Variants in PPFIA1 observed in about 807,000 individuals in gnomAD.
PPFIA1 encodes the protein liprin-alpha-1.
Under a neutral mutation model 149.9 loss-of-function variants are expected in PPFIA1, and 25 were observed. The observed-to-expected ratio is 0.17, with a 90% confidence interval of 0.12 to 0.23. The LOEUF is 0.23. PPFIA1 is among the 10% of genes least tolerant of loss of function. PPFIA1 has a pLI of 1.00. For synonymous variants in PPFIA1, 549 were observed against 552.8 expected (o/e 0.99, Z 0.10); for missense variants, 1,362 against 1,506.5 (o/e 0.90, Z 1.59).
At chr11:70,288,606 C>A (rs985911587) in intron 2 of PPFIA1, among the ~76,000 whole-genome samples, 2 of 152,090 alleles carry the variant, frequency 1.3e-5, no homozygotes, top group African/African-American at 4.8e-5. Context: ...GCTGTCCGTC[C>A]GTGTACAGTG....
intron 2 of PPFIA1, among the ~76,000 whole-genome samples, chr11:70,307,615 A>G (rs1347239375): frequency 6.6e-6 from 1 of 151,296 alleles, no homozygotes; most frequent in Non-Finnish European, 1.5e-5. Context: ...AGGTGTGTGT[A>G]AAAAAAAAGA....
chr11:70,275,771 G>A (rs950714589), intron 2 of PPFIA1, among the ~76,000 whole-genome samples: 1 of 152,034 alleles, frequency 6.6e-6, no homozygotes, highest in African/African-American at 2.4e-5. Flanking sequence ...TGTCATCTTT[G>A]CACAAATAGC....
Position 70,339,261 on chromosome 11 carries a change from C to G in PPFIA1, c.1662C>G (p.Arg554=). 6.2e-7 allele frequency: 1 copy of G among 1,614,130 alleles called. No individual in the cohort carries two copies. The highest frequency in any genetic ancestry group is 8.5e-7 in the Non-Finnish European group (1 of 1,179,968). ...DSYSTSAVLR[R]PQKGRLAALR... is the part of the protein sequence containing the mutation. ...ACAGCACCAGTGCAGTGCTGCGGCG[C>G]CCACAGAAAGGCCGGCTGGCAGCCC... is the stretch of plus-strand genomic sequence containing the variant. The change falls in exon 14 of 28, where the codon CGC becomes CGG. Residue 554 remains arginine (R), a synonymous_variant. Coordinates refer to ENST00000253925, the MANE Select transcript of PPFIA1 (RefSeq NM_003626.5).
intron 2 of PPFIA1, among the ~76,000 whole-genome samples, chr11:70,300,574 G>A (rs953494071): frequency 3.4e-5 from 5 of 145,248 alleles, no homozygotes; most frequent in South Asian, 2.2e-4. Context: ...TCGCTCTGTC[G>A]CCCAGGCTGG....
chr11:70,344,915 C>T (rs1401053074), intron 15 of PPFIA1, among the ~76,000 whole-genome samples: 3 of 152,248 alleles, frequency 2.0e-5, no homozygotes, highest in Non-Finnish European at 2.9e-5. Flanking sequence ...ACAGGAGCAG[C>T]AGAGCAGGAC....
rs369559557 is a variant in PPFIA1, at chr11:70,316,838, A to G, written c.265-7564A>G. On this transcript the variant is annotated intron_variant, in intron 2 of 27. Coordinates refer to ENST00000253925, the MANE Select transcript of PPFIA1 (RefSeq NM_003626.5). ...TTGACCTGATTGTGGCTTTTGAGTA[A>G]TAATGTCTGGTCTATATAATATGAA... 2.6e-5 allele frequency among the ~76,000 whole-genome samples: 4 copies of G among 152,220 alleles called. No individual in the cohort carries two copies. In the South Asian group the frequency reaches 8.3e-4, roughly 32 times the overall value.
chr11:70,277,293 G>T (rs1018855669), intron 2 of PPFIA1, among the ~76,000 whole-genome samples: 10 of 151,492 alleles, frequency 6.6e-5, no homozygotes, highest in Non-Finnish European at 1.3e-4. Flanking sequence ...TGGGATCCAG[G>T]CGTGAGCCAC....
rs569398018 is a variant in PPFIA1, at chr11:70,361,259, G to A, written c.2583-836G>A. ...CAGAGTCTATGGGGGATTGGTTCCA[G>A]GACCCCTCCTGAATACCAAAATCCA... On this transcript the variant is annotated intron_variant, in intron 19 of 27. Transcript: ENST00000253925. 2.0e-5 allele frequency among the ~76,000 whole-genome samples: 3 copies of A among 152,308 alleles called. No individual in the cohort carries two copies. In the East Asian group the frequency reaches 5.8e-4, roughly 29 times the overall value.
At position 70,356,226 on chromosome 11, in the gene PPFIA1, G is replaced by A. The variant is rs1025987592; in HGVS notation, c.2554G>A (p.Ala852Thr). Residue 852 changes from alanine to threonine, a missense_variant, in exon 19 of 28, where the codon GCT becomes ACT. Ala to Thr is a moderately conservative substitution (Grantham distance 58). Coordinates refer to ENST00000253925, the MANE Select transcript of PPFIA1 (RefSeq NM_003626.5). ...ALGLSKLGGQ[A>T]EKNRKLQKKH... ...GGGACTTAGCAAATTGGGGGGACAG[G>A]CTGAAAAAAATCGTAAACTTCAAAA... 6.2e-7 allele frequency: 1 copy of A among 1,613,518 alleles called. No homozygotes were observed. Among genetic ancestry groups the A allele is most frequent in the East Asian group, 2.2e-5 (1 of 44,872 alleles).
At position 70,384,305 on chromosome 11, in the gene PPFIA1, A is replaced by G. The variant is rs2057806640; in HGVS notation, c.*1315A>G. 6.5e-6 allele frequency: 1 copy of G among 152,672 alleles called. No homozygotes were observed. The highest frequency in any genetic ancestry group is 6.5e-5 in the Admixed American group (1 of 15,288). 9.5% of individuals were successfully genotyped at this position (152,672 alleles called of 1,614,324 possible). On this transcript the variant is annotated 3_prime_UTR_variant, in exon 28 of 28. Transcript: ENST00000253925. ...TTTGTCAACTTCCTGATTATGTAAC[A>G]AAGTATGTACAGTCTACTTTTGAAC...
At chr11:70,365,363 G>T in intron 21 of PPFIA1, 2 of 456,486 alleles carry the variant, frequency 4.4e-6, no homozygotes, top group Non-Finnish European at 4.4e-6. Context: ...GTGCACTGGG[G>T]TCACCTTAGA....
intron 2 of PPFIA1, among the ~76,000 whole-genome samples, chr11:70,286,984 T>TACAC (rs57213147): frequency 0.014 from 2,130 of 148,086 alleles, 48 homozygotes; most frequent in African/African-American, 0.048. Flanking sequence ...TATATGCACA[T>TACAC]ACACACACAC....
intron 2 of PPFIA1, among the ~76,000 whole-genome samples, chr11:70,276,364 T>C (rs541659343): frequency 1.4e-4 from 21 of 152,248 alleles, no homozygotes; most frequent in Admixed American, 5.2e-4. Flanking sequence ...AAAAAAAATT[T>C]ACAATTGTAG....
intron 2 of PPFIA1, among the ~76,000 whole-genome samples, chr11:70,289,061 G>T (rs560800808): frequency 6.8e-6 from 1 of 147,318 alleles, no homozygotes; most frequent in Non-Finnish European, 1.5e-5. Context: ...TCCGCCTCCC[G>T]GGTTCAAGCA....
intron 2 of PPFIA1, among the ~76,000 whole-genome samples, chr11:70,294,775 C>G (rs1024229944): frequency 2.0e-5 from 3 of 151,766 alleles, no homozygotes; most frequent in Non-Finnish European, 4.4e-5. Context: ...ATGCTGCCTT[C>G]AAGCATCTGT....
chr11:70,349,754 A>T (rs190610059), intron 16 of PPFIA1, among the ~76,000 whole-genome samples: 1 of 152,168 alleles, frequency 6.6e-6, no homozygotes, highest in African/African-American at 2.4e-5. Context: ...AAACTCTTTG[A>T]CTGTTTTATT....
chr11:70,378,680 G>A (rs191600594), intron 26 of PPFIA1: 92 of 163,792 alleles, frequency 5.6e-4, no homozygotes, highest in Non-Finnish European at 6.8e-4. Flanking sequence ...CTGCTGTTCC[G>A]TGCAGTCACA....
In PPFIA1 at chr11:70,343,653, G is replaced by T; in HGVS notation, c.1708-16G>T. The T allele has an allele frequency of 1.2e-6, 2 of 1,609,360 alleles. No homozygotes were observed. The highest frequency in any genetic ancestry group is 8.5e-7 in the Non-Finnish European group (1 of 1,175,790). ...TTGTTACTTTATCTACTGAGATTTG[G>T]TTTTCTTGTTTATAGGTACAAACTC... On this transcript the variant is annotated splice_polypyrimidine_tract_variant and intron_variant, in intron 14 of 27. Transcript: ENST00000253925.
intron 21 of PPFIA1, chr11:70,365,067 T>C (rs2056848239): frequency 5.5e-6 from 1 of 180,636 alleles, no homozygotes; most frequent in South Asian, 1.1e-4. Flanking sequence ...AATCAATAGT[T>C]ACTTGAGAAT....
Sources: gnomAD v4.1 joint callset for allele counts (sites outside exome capture counted in the v4.1 genomes callset) on GRCh38, gnomAD v4.1.1 for gene constraint, MANE v1.5 for transcripts, NCBI Gene and HGNC (gene_info 2026-07-23, HGNC 2026-07-21) for gene names.